The following MYCBP2 variants were observed in gnomAD, a reference collection of about 807,000 sequenced individuals.
MYCBP2 encodes MYC binding protein 2.
Under a neutral mutation model 525.3 loss-of-function variants are expected in MYCBP2, and 120 were observed. The ratio of observed to expected loss-of-function variants is 0.23; its 90% CI spans 0.20 to 0.27. MYCBP2 has a LOEUF of 0.27. Ranked by LOEUF, MYCBP2 falls within the 10% of genes least tolerant of loss-of-function variation. The pLI is 1.00. For synonymous variants in MYCBP2, 1,894 were observed against 1,955.8 expected (o/e 0.97, Z 0.83); for missense variants, 4,149 against 5,657.1 (o/e 0.73, Z 8.55).
At chr13:77,146,055 C>G in intron 48 of MYCBP2, 107 bp downstream of exon 48, 4 of 677,468 alleles carry the variant, frequency 5.9e-6, no homozygotes, top group Non-Finnish European at 9.7e-6. Context: ...TAGAAAAATG[C>G]TATAAAGTAT....
At chr13:77,251,450 C>T (rs775202728) in intron 14 of MYCBP2, 95 bp from the exon 15 acceptor site, 15 of 992,928 alleles carry the variant, frequency 1.5e-5, no homozygotes, top group Non-Finnish European at 2.1e-5. Context: ...TGACAGCATG[C>T]TAATCCAAGC....
intron 55 of MYCBP2, among the ~76,000 whole-genome samples, chr13:77,119,113 C>T (rs1331529646): frequency 1.3e-5 from 2 of 151,966 alleles, no homozygotes; most frequent in African/African-American, 4.8e-5. Flanking sequence ...TCTGTAAGTC[C>T]TATATGACAA....
chr13:77,205,425 A>G (rs765857671), intron 25 of MYCBP2, 42 bp from the exon 26 acceptor site: 2 of 1,612,292 alleles, frequency 1.2e-6, no homozygotes, highest in Admixed American at 1.7e-5. Context: ...AAAGATCCAT[A>G]TATATTTCAG....
chr13:77,276,994 A>G (rs145245218), intron 4 of MYCBP2, among the ~76,000 whole-genome samples: 6 of 152,126 alleles, frequency 3.9e-5, no homozygotes, highest in African/African-American at 1.4e-4. Context: ...AGACTAAAGC[A>G]CATATTATAT....
At chr13:77,135,923 G>C (rs1261847327) in intron 52 of MYCBP2, among the ~76,000 whole-genome samples, 1 of 151,076 alleles carries the variant, frequency 6.6e-6, no homozygotes, top group Admixed American at 6.6e-5. Flanking sequence ...TGCAACCTCT[G>C]CCTCCTGGGT....
intron 63 of MYCBP2, 35 bp downstream of exon 63, chr13:77,082,997 C>T: frequency 7.0e-6 from 11 of 1,575,896 alleles, no homozygotes; most frequent in South Asian, 1.2e-5. Context: ...ACTCTCTTGT[C>T]CAATGTACCT....
At chr13:77,106,723 C>CT (rs1399522025) in intron 55 of MYCBP2, among the ~76,000 whole-genome samples, 1 of 151,684 alleles carries the variant, frequency 6.6e-6, no homozygotes, top group South Asian at 2.1e-4. Flanking sequence ...CTTTAAGTTC[C>CT]TTTTTTTTCT....
rs1343907332 is a variant in MYCBP2, at chr13:77,061,149, T to C, written c.13036+20A>G. ...TTTTTGTGGGTTTTAAAGGCATGGCTCAATCTTTAAACCTTTTACCTGTGT... is the reference window on the plus strand; with the variant it reads ...TTTTTGTGGGTTTTAAAGGCATGGCCCAATCTTTAAACCTTTTACCTGTGT... On this transcript the variant is annotated intron_variant, in intron 76 of 82. Coordinates refer to ENST00000544440, the MANE Select transcript of MYCBP2 (RefSeq NM_015057.5). 5.7e-6 allele frequency: 9 copies of C among 1,592,008 alleles called. No individual in the cohort carries two copies. The highest frequency in any genetic ancestry group is 7.7e-6 in the Non-Finnish European group (9 of 1,172,310).
At chr13:77,209,476 C>A (rs902533443) in intron 23 of MYCBP2, among the ~76,000 whole-genome samples, 4 of 152,186 alleles carry the variant, frequency 2.6e-5, no homozygotes, top group Non-Finnish European at 5.9e-5. Flanking sequence ...CAAACCAGAG[C>A]CTGCTCTTTG....
rs2069572088 is a variant in MYCBP2 at position 77,244,819 on chromosome 13, G to GAAAA, written c.2382-872_2382-869dup. Among the ~76,000 whole-genome samples, 2 of 152,076 alleles carry GAAAA rather than the reference G, an allele frequency of 1.3e-5. 1 individual carries two copies. The highest frequency in any genetic ancestry group is 4.1e-4 in the South Asian group (2 of 4,824). On this transcript the variant is annotated intron_variant, in intron 15 of 82. Transcript: ENST00000544440. ...ACAAAGAACTTAAACACATTTACAA[G>GAAAA]AAAACAAACAACCCCATCAAAAAGT...
chr13:77,311,154 A>G (rs2080151199), intron 1 of MYCBP2, among the ~76,000 whole-genome samples: 1 of 152,210 alleles, frequency 6.6e-6, no homozygotes, highest in Non-Finnish European at 1.5e-5. Context: ...CAAAAGTTAA[A>G]ATTCCAAGTT....
chr13:77,156,189 C>G lies in MYCBP2; in HGVS notation c.6784G>C (p.Asp2262His). Residue 2262 changes from aspartate to histidine, a missense_variant, in exon 46 of 83, where the codon GAT (aspartate) becomes CAT (histidine). By Grantham distance (81) the Asp-to-His change is moderately conservative. This residue lies in a region of MYCBP2 where 692 missense variants were observed against 852.7 expected (regional missense o/e 0.81). Coordinates refer to ENST00000544440, the MANE Select transcript of MYCBP2 (RefSeq NM_015057.5). The part of the protein sequence containing the change: ...GGRLARWLQP[D>H]SYADPQKTSL... Reference sequence around the variant, plus strand: ...GTTTTCTGAGGATCCGCATATGAATCTGGCTGAAGCCACCTAACAGTAATG... The same window carrying G: ...GTTTTCTGAGGATCCGCATATGAATGTGGCTGAAGCCACCTAACAGTAATG... 6.2e-7 allele frequency: 1 copy of G among 1,613,432 alleles called. No individual in the cohort carries two copies. Among genetic ancestry groups the G allele is most frequent in the Non-Finnish European group, 8.5e-7 (1 of 1,179,566 alleles).
intron 22 of MYCBP2, 45 bp from the exon 23 acceptor site, chr13:77,211,365 T>C: frequency 9.8e-7 from 1 of 1,020,678 alleles, no homozygotes; most frequent in Non-Finnish European, 1.3e-6. Context: ...TATATTACCC[T>C]TTTAAATTCT....
At chr13:77,088,762 C>T in intron 61 of MYCBP2, 70 bp downstream of exon 61, 1 of 1,331,476 alleles carries the variant, frequency 7.5e-7, no homozygotes, top group Non-Finnish European at 1.1e-6. Flanking sequence ...AAAAAAGTGG[C>T]ATCGTGAAAT....
intron 55 of MYCBP2, among the ~76,000 whole-genome samples, chr13:77,105,828 T>C (rs79959280): frequency 0.03 from 4,534 of 152,232 alleles, 97 homozygotes; most frequent in East Asian, 0.053. Context: ...GAAGTTAATA[T>C]TGTTTGCTTA....
Position 77,270,014 on chromosome 13 carries a change from T to A in MYCBP2, c.1238A>T (p.Lys413Met), listed in dbSNP as rs2074652528. 6.2e-7 allele frequency: 1 copy of A among 1,612,116 alleles called. No individual in the cohort carries two copies. Among genetic ancestry groups the A allele is most frequent in the East Asian group, 2.2e-5 (1 of 44,742 alleles). ...TACCTGAGCATACCCTAACCAAGAC[T>A]TTTTTTCTTTTCTGTTTCTAATACG... The part of the protein sequence containing the change: ...TSRIRNRKEK[K>M]SWLGYAQGYL... The change falls in exon 7 of 83, where the codon AAG (lysine) becomes ATG (methionine). Residue 413 changes from lysine to methionine, a missense_variant. This residue lies in a region of MYCBP2 where 262 missense variants were observed against 419.3 expected (regional missense o/e 0.62). Coordinates refer to ENST00000544440, the MANE Select transcript of MYCBP2 (RefSeq NM_015057.5).
intron 57 of MYCBP2, 96 bp downstream of exon 57, chr13:77,096,216 T>C: frequency 1.7e-6 from 2 of 1,208,988 alleles, no homozygotes; most frequent in Non-Finnish European, 2.3e-6. Context: ...TAATATCAAC[T>C]ATGTGGAATT....
intron 4 of MYCBP2, among the ~76,000 whole-genome samples, 200 bp from the exon 5 acceptor site, chr13:77,273,868 T>G (rs1042997002): frequency 1.1e-4 from 17 of 152,270 alleles, no homozygotes; most frequent in African/African-American, 4.1e-4. Context: ...GAACATTCAG[T>G]TCAACTCCTT....
chr13:77,262,536 T>C (rs983584369), intron 10 of MYCBP2, among the ~76,000 whole-genome samples: 2 of 152,036 alleles, frequency 1.3e-5, no homozygotes, highest in African/African-American at 4.8e-5. Flanking sequence ...AATAAGCATA[T>C]ATAAAGGTTG....
Sources: gnomAD v4.1 joint callset for allele counts (sites outside exome capture counted in the v4.1 genomes callset) on GRCh38, gnomAD v4.1.1 for gene constraint, gnomAD v4.1.1 regional missense constraint, MANE v1.5 for transcripts, NCBI Gene and HGNC (gene_info 2026-07-23, HGNC 2026-07-21) for gene names.